Variants in KCNA3 observed in about 807,000 individuals in gnomAD.
The protein encoded by KCNA3 is RP11-284N8.3.
KCNA3 carries 18 observed loss-of-function variants against 34.3 expected under a neutral mutation model. The observed-to-expected ratio is 0.52, with a 90% CI of 0.36 to 0.78. The LOEUF (loss-of-function observed/expected upper bound fraction) is 0.78, where lower values mean the gene tolerates loss of function less well. Among genes scored for constraint, KCNA3 ranks in the 30% least tolerant of loss-of-function variants. The probability of loss-of-function intolerance (pLI) is 0.00; values close to 1 mark genes in which losing one functional copy is unlikely to be tolerated. For missense variants in KCNA3, 587 were observed against 802.5 expected (o/e 0.73, Z 3.24); for synonymous variants, 324 against 351.7 (o/e 0.92, Z 0.88).
At chr1:110,656,037 A>G in the KCNA3 span, 382 of 152,326 alleles carry the variant, frequency 2.5e-3, 1 homozygote, top group African/African-American at 8.9e-3. Flanking sequence ...AAACATTCAC[A>G]AAATTTTGTG....
Position 110,674,007 on chromosome 1 carries a change from G to C in KCNA3, c.803C>G (p.Ser268Trp). ...EFRDEKDYPASTSQDSFEAAG... is the reference protein window; with the variant it reads ...EFRDEKDYPAWTSQDSFEAAG... ...TGCTTCGAATGAGTCCTGCGACGTC[G>C]AGGCGGGGTAGTCCTTCTCGTCGCG... Residue 268 changes from serine (S) to tryptophan (W), a missense_variant, in exon 1 of 1, where the codon TCG becomes TGG. Transcript: ENST00000369769. The surrounding 1 kb of genome is among the most constrained non-coding windows in gnomAD (Gnocchi z 6.4). 6.2e-7 allele frequency: 1 copy of C among 1,612,810 alleles called. No individual in the cohort carries two copies. The highest frequency in any genetic ancestry group is 8.5e-7 in the Non-Finnish European group (1 of 1,179,314).
chr1:110,657,582 A>G, the KCNA3 span, among the ~76,000 whole-genome samples: 10 of 152,224 alleles, frequency 6.6e-5, no homozygotes, highest in Non-Finnish European at 1.5e-4. Flanking sequence ...CATATTCAGT[A>G]TAACAGTTTA....
At chr1:110,668,909 A>G (rs1420198199), downstream of KCNA3, among the ~76,000 whole-genome samples, 3 of 152,196 alleles carry the variant, frequency 2.0e-5, no homozygotes, top group Non-Finnish European at 4.4e-5. Flanking sequence ...GGCATGTGCA[A>G]ACGTAGGCTC....
chr1:110,663,167 A>G, the KCNA3 span, among the ~76,000 whole-genome samples: 1 of 152,200 alleles, frequency 6.6e-6, no homozygotes, highest in East Asian at 1.9e-4. Flanking sequence ...TACAATAGAA[A>G]ATCCAGTAAA....
the KCNA3 span, among the ~76,000 whole-genome samples, chr1:110,664,657 T>A: frequency 1.1e-4 from 17 of 152,184 alleles, no homozygotes; most frequent in Non-Finnish European, 7.3e-5. Flanking sequence ...CAACTGTATT[T>A]CAGGTACTAT....
chr1:110,663,076 T>C, the KCNA3 span, among the ~76,000 whole-genome samples: 1 of 152,166 alleles, frequency 6.6e-6, no homozygotes, highest in Non-Finnish European at 1.5e-5. Flanking sequence ...TATTGCCCTG[T>C]AGTCAGACAC....
chr1:110,659,715 G>A, the KCNA3 span, among the ~76,000 whole-genome samples: 1 of 152,120 alleles, frequency 6.6e-6, no homozygotes, highest in Non-Finnish European at 1.5e-5. Context: ...ACTGGATTAA[G>A]AAAAGGTGGC....
At position 110,674,911 on chromosome 1, in the gene KCNA3, A is replaced by G; in HGVS notation, c.-102T>C. ...CCGAGCCGAGCCCACCGCCTGTTGC[A>G]GCCAAAGCCGCGATGCTCTGTCTGG... On this transcript the variant is annotated 5_prime_UTR_variant, in exon 1 of 1. Coordinates refer to ENST00000369769, the MANE Select transcript of KCNA3 (RefSeq NM_002232.5). This position sits in a 1 kb window ranked among gnomAD's most constrained non-coding sequence, Gnocchi z 6.4. 7.9e-7 allele frequency: 1 copy of G among 1,261,140 alleles called. No homozygotes were observed. The highest frequency in any genetic ancestry group is 1.0e-6 in the Non-Finnish European group (1 of 1,003,844). 78.1% of individuals were successfully genotyped at this position (1,261,140 alleles called of 1,614,324 possible).
chr1:110,664,144 A>G, the KCNA3 span, among the ~76,000 whole-genome samples: 1 of 152,194 alleles, frequency 6.6e-6, no homozygotes, highest in Non-Finnish European at 1.5e-5. Flanking sequence ...GAAGTTTCTT[A>G]GAATGTCTGC....
the KCNA3 span, among the ~76,000 whole-genome samples, chr1:110,660,500 T>C: frequency 1.3e-5 from 2 of 151,974 alleles, no homozygotes; most frequent in Non-Finnish European, 1.5e-5. Flanking sequence ...CTAAGTGTCA[T>C]GGAGAGAAAA....
the KCNA3 span, among the ~76,000 whole-genome samples, chr1:110,662,026 T>C: frequency 6.8e-6 from 1 of 147,528 alleles, no homozygotes; most frequent in African/African-American, 2.5e-5. Flanking sequence ...GGCAGAAGAA[T>C]TGCGTGAACC....
Position 110,673,910 on chromosome 1 carries a change from C to T in KCNA3, c.900G>A (p.Thr300=), listed in dbSNP as rs745554504. Reference sequence around the variant, plus strand: ...CGAAGGAGAACCAGATGATGCACAGCGTCTCCACCACGAAGAAGGGATCGG... The same window carrying T: ...CGAAGGAGAACCAGATGATGCACAGTGTCTCCACCACGAAGAAGGGATCGG... ...SFSDPFFVVE[T]LCIIWFSFEL... The change falls in exon 1 of 1, where the codon ACG becomes ACA. Residue 300 remains threonine (T), a synonymous_variant. Coordinates refer to ENST00000369769, the MANE Select transcript of KCNA3 (RefSeq NM_002232.5). The surrounding 1 kb of genome is among the most constrained non-coding windows in gnomAD (Gnocchi z 8.8). 30 of 1,614,040 alleles carry T rather than the reference C, an allele frequency of 1.9e-5. No homozygotes were observed. Among genetic ancestry groups the T allele is most frequent in the Non-Finnish European group, 2.4e-5 (28 of 1,180,034 alleles).
In KCNA3 at chr1:110,674,563, A is replaced by AGCC. The variant is rs1350331792; in HGVS notation, c.244_246dup (p.Gly82dup). ...GGCGGCAGCGGCTCGTAGCGGTCGC[A>AGCC]GCCGCCGCCGCCACAGCCGCCTTGA... On this transcript the variant is annotated inframe_insertion, in exon 1 of 1. Transcript: ENST00000369769. This position sits in a 1 kb window ranked among gnomAD's most constrained non-coding sequence, Gnocchi z 6.4. The AGCC allele has an allele frequency of 6.4e-7, 1 of 1,551,026 alleles. No individual in the cohort carries two copies. The highest frequency in any genetic ancestry group is 8.7e-7 in the Non-Finnish European group (1 of 1,153,366).
the KCNA3 span, chr1:110,654,248 C>A: frequency 2.6e-5 from 4 of 152,246 alleles, no homozygotes; most frequent in Non-Finnish European, 5.9e-5. Context: ...TTATCTAACA[C>A]TTGATAATCA....
downstream of KCNA3, among the ~76,000 whole-genome samples, chr1:110,671,211 A>G (rs1235574005): frequency 6.6e-6 from 1 of 152,204 alleles, no homozygotes; most frequent in East Asian, 1.9e-4. Context: ...GGAACGGAAT[A>G]ATTTTCAGTT....
the KCNA3 span, among the ~76,000 whole-genome samples, chr1:110,664,619 C>T: frequency 6.6e-6 from 1 of 152,164 alleles, no homozygotes; most frequent in African/African-American, 2.4e-5. Flanking sequence ...CCTCTCATCT[C>T]TCCTTCCAAT....
In KCNA3 at chr1:110,673,976, G is replaced by C; in HGVS notation, c.834C>G (p.Gly278=). 1 of 1,613,878 alleles carries C rather than the reference G, an allele frequency of 6.2e-7. No homozygotes were observed. Among genetic ancestry groups the C allele is most frequent in the South Asian group, 1.1e-5 (1 of 91,062 alleles). The change falls in exon 1 of 1, where the codon GGC becomes GGG. Residue 278 remains glycine, a synonymous_variant. Transcript: ENST00000369769. This position sits in a 1 kb window ranked among gnomAD's most constrained non-coding sequence, Gnocchi z 8.8. The part of the protein sequence containing the change: ...STSQDSFEAA[G]NSTSGSRAGA... ...CTGCGCGGGACCCCGACGTGCTGTTGCCGGCTGCTTCGAATGAGTCCTGCG... is the reference window on the plus strand; with the variant it reads ...CTGCGCGGGACCCCGACGTGCTGTTCCCGGCTGCTTCGAATGAGTCCTGCG...
At chr1:110,669,704 T>G (rs1651817331), downstream of KCNA3, among the ~76,000 whole-genome samples, 1 of 152,172 alleles carries the variant, frequency 6.6e-6, no homozygotes, top group South Asian at 2.1e-4. Context: ...TGTGAAGTCT[T>G]AGGGAAATCA....
the KCNA3 span, among the ~76,000 whole-genome samples, chr1:110,658,291 G>A: frequency 2.0e-4 from 30 of 152,208 alleles, no homozygotes; most frequent in African/African-American, 7.0e-4. Flanking sequence ...CTTTGCTACT[G>A]AAATATTTTT....
Sources: gnomAD v4.1 joint callset for allele counts (sites outside exome capture counted in the v4.1 genomes callset) on GRCh38, gnomAD v4.1.1 for gene constraint, Gnocchi (gnomAD v3.1) non-coding constraint, MANE v1.5 for transcripts, NCBI Gene and HGNC (gene_info 2026-07-23, HGNC 2026-07-21) for gene names.